The following CFAP299 variants were observed in gnomAD, a reference collection of about 807,000 sequenced individuals.
The protein encoded by CFAP299 is cilia- and flagella-associated protein 299.
Under a neutral mutation model 27.0 loss-of-function variants are expected in CFAP299, and 21 were observed. The ratio of observed to expected loss-of-function variants is 0.78; its 90% CI spans 0.55 to 1.12. The LOEUF (loss-of-function observed/expected upper bound fraction) is 1.12. Ranked by LOEUF, CFAP299 falls within the 50% of genes most tolerant of loss-of-function variation. The pLI, the probability that CFAP299 is intolerant of heterozygous loss-of-function variation, is 0.00. For missense variants in CFAP299, 310 were observed against 276.6 expected (o/e 1.12, Z -0.86); for synonymous variants, 104 against 98.1 (o/e 1.06, Z -0.36).
chr4:80,566,414 T>C (rs531224626), intron 2 of CFAP299, among the ~76,000 whole-genome samples: 2 of 152,218 alleles, frequency 1.3e-5, no homozygotes, highest in Admixed American at 6.6e-5. Flanking sequence ...TGACAGTCTC[T>C]ATCACTGTGT....
intron 4 of CFAP299, among the ~76,000 whole-genome samples, chr4:80,876,795 A>G (rs1041104656): frequency 3.9e-5 from 6 of 151,964 alleles, no homozygotes; most frequent in Non-Finnish European, 7.4e-5. Flanking sequence ...CCATATCCCA[A>G]TCCTTCCCAG....
At chr4:80,879,203 C>T (rs1290048030) in intron 4 of CFAP299, among the ~76,000 whole-genome samples, 2 of 152,098 alleles carry the variant, frequency 1.3e-5, no homozygotes, top group Non-Finnish European at 2.9e-5. Context: ...TCTTGGAGTA[C>T]ATGTAACTCA....
At chr4:80,778,550 AC>A (rs1190920928) in intron 3 of CFAP299, among the ~76,000 whole-genome samples, 12 of 151,896 alleles carry the variant, frequency 7.9e-5, no homozygotes, top group Admixed American at 7.9e-4. Context: ...CTGGTTTACT[AC>A]CCCCTCCTTC....
intron 3 of CFAP299, among the ~76,000 whole-genome samples, chr4:80,619,833 A>G (rs985402576): frequency 1.3e-5 from 2 of 152,092 alleles, no homozygotes; most frequent in Admixed American, 6.6e-5. Context: ...ATTATCTCTT[A>G]ATTATAATGA....
At chr4:80,386,783 C>T in intron 2 of CFAP299, 2 of 1,209,528 alleles carry the variant, frequency 1.7e-6, no homozygotes, top group Non-Finnish European at 2.5e-6. Context: ...CAACTTACCG[C>T]AGCTTGTGTG....
At chr4:80,578,563 GTAT>G (rs1735996457) in intron 2 of CFAP299, among the ~76,000 whole-genome samples, 1 of 152,058 alleles carries the variant, frequency 6.6e-6, no homozygotes, top group Non-Finnish European at 1.5e-5. Context: ...AAGAAGAACA[GTAT>G]GAACTTAGGA....
In CFAP299 at chr4:80,799,809, A is replaced by ATATTATAT. The variant is rs1491586559; in HGVS notation, c.334-70184_334-70183insTATTATAT. On this transcript the variant is annotated intron_variant, in intron 3 of 5. Transcript: ENST00000358105. ...TTATATATTATATTATATAATATATAAATATATATATTATATATATTTATA... is the reference window on the plus strand; with the variant it reads ...TTATATATTATATTATATAATATATATATTATATAATATATATATTATATATATTTATA... Among the ~76,000 whole-genome samples the ATATTATAT allele has an allele frequency of 1.2e-3, 29 of 24,088 alleles. 3 individuals carry two copies. The African/African-American group carries it at 0.015, about 12-fold the overall frequency. 15.8% of individuals were successfully genotyped at this position (24,088 alleles called of 152,430 possible).
At chr4:80,538,220 TA>T (rs1210124439) in intron 2 of CFAP299, among the ~76,000 whole-genome samples, 2 of 152,100 alleles carry the variant, frequency 1.3e-5, no homozygotes, top group Non-Finnish European at 2.9e-5. Flanking sequence ...AATTAAATCT[TA>T]AAAAATACAT....
chr4:80,689,199 A>G (rs1185986531), intron 3 of CFAP299, among the ~76,000 whole-genome samples: 4 of 152,288 alleles, frequency 2.6e-5, no homozygotes, highest in African/African-American at 2.4e-5. Flanking sequence ...GAACTCCACA[A>G]AGATACTCCT....
chr4:80,547,960 A>C (rs1366702419), intron 2 of CFAP299, among the ~76,000 whole-genome samples: 1 of 152,198 alleles, frequency 6.6e-6, no homozygotes, highest in Non-Finnish European at 1.5e-5. Flanking sequence ...TGTGGAATAC[A>C]ATTTAGTGAT....
intron 2 of CFAP299, among the ~76,000 whole-genome samples, chr4:80,578,845 A>G (rs2109865656): frequency 6.6e-6 from 1 of 152,310 alleles, no homozygotes; most frequent in South Asian, 2.1e-4. Context: ...GACTTAACCT[A>G]TGACTGTCTT....
chr4:80,842,851 A>G (rs943804370), intron 3 of CFAP299, among the ~76,000 whole-genome samples: 1 of 152,128 alleles, frequency 6.6e-6, no homozygotes, highest in Non-Finnish European at 1.5e-5. Flanking sequence ...GACAGTGGAT[A>G]AAGTTTGAAG....
intron 2 of CFAP299, among the ~76,000 whole-genome samples, chr4:80,554,564 C>T (rs1386508314): frequency 7.1e-6 from 1 of 141,842 alleles, no homozygotes; most frequent in East Asian, 2.1e-4. Context: ...GTAGAAATAG[C>T]ATTGAATCTA....
At chr4:80,961,415 A>G (rs570999489) in intron 5 of CFAP299, among the ~76,000 whole-genome samples, 217 of 151,954 alleles carry the variant, frequency 1.4e-3, no homozygotes, top group Non-Finnish European at 2.3e-3. Flanking sequence ...AAAATAAGTT[A>G]TTAAGTATAG....
rs139772763 is a variant in CFAP299 at position 80,717,019 on chromosome 4, C to T, written c.333+133836C>T. 1.1e-3 allele frequency among the ~76,000 whole-genome samples: 162 copies of T among 152,110 alleles called. 1 individual carries two copies. The highest frequency in any genetic ancestry group is 3.7e-3 in the African/African-American group (152 of 41,514). ...ACTATTGGGAAATGTATTCATTTAC[C>T]CATTCATTTATTTAATATTTATTGA... On this transcript the variant is annotated intron_variant, in intron 3 of 5. Transcript: ENST00000358105.
chr4:80,519,771 A>G (rs1394516919), intron 2 of CFAP299, among the ~76,000 whole-genome samples: 1 of 152,164 alleles, frequency 6.6e-6, no homozygotes, highest in African/African-American at 2.4e-5. Flanking sequence ...ATTTCAGTAG[A>G]CCATGGCCAA....
chr4:80,630,436 A>G (rs1739147802), intron 3 of CFAP299, among the ~76,000 whole-genome samples: 1 of 152,134 alleles, frequency 6.6e-6, no homozygotes, highest in Non-Finnish European at 1.5e-5. Context: ...CTACTAAACA[A>G]TTTGGTGAAC....
At position 80,720,038 on chromosome 4, in the gene CFAP299, C is replaced by T. The variant is rs182844537; in HGVS notation, c.333+136855C>T. Reference sequence around the variant, plus strand: ...TTGCCTGGACTATGTCTCCAGGATGCAGTGAGGATGGAGGAAACCAGGGAG... The same window carrying T: ...TTGCCTGGACTATGTCTCCAGGATGTAGTGAGGATGGAGGAAACCAGGGAG... On this transcript the variant is annotated intron_variant, in intron 3 of 5. Coordinates refer to ENST00000358105, the MANE Select transcript of CFAP299 (RefSeq NM_152770.3). 2.6e-5 allele frequency among the ~76,000 whole-genome samples: 4 copies of T among 152,188 alleles called. No individual in the cohort carries two copies. The East Asian group carries it at 5.8e-4, about 22-fold the overall frequency.
At chr4:80,713,019 G>A (rs1327390045) in intron 3 of CFAP299, among the ~76,000 whole-genome samples, 1 of 151,968 alleles carries the variant, frequency 6.6e-6, no homozygotes, top group Non-Finnish European at 1.5e-5. Flanking sequence ...TGGGAACAGT[G>A]GTGAGCCAAT....
Sources: allele counts gnomAD v4.1 joint callset (sites outside exome capture counted in the v4.1 genomes callset), GRCh38; gene constraint gnomAD v4.1.1; transcripts MANE v1.5; gene names NCBI Gene and HGNC (gene_info 2026-07-23, HGNC 2026-07-21).